Variants in CTNNA3 observed in about 807,000 individuals in gnomAD.
CTNNA3 encodes catenin alpha 3, also known as catenin alpha-3.
CTNNA3 carries 76 observed loss-of-function variants against 95.7 expected under a neutral mutation model. The observed-to-expected ratio is 0.79, with a 90% confidence interval of 0.66 to 0.96. The LOEUF (loss-of-function observed/expected upper bound fraction) is 0.96. Among genes scored for constraint, CTNNA3 ranks in the 40% least tolerant of loss-of-function variants. The pLI is 0.00. For synonymous variants in CTNNA3, 431 were observed against 374.4 expected, an observed-to-expected ratio of 1.15 and a Z score of -1.74; for missense variants, 1,191 against 1,089.8, an observed-to-expected ratio of 1.09 and a Z score of -1.31.
chr10:67,308,968 C>T (rs1224758633), intron 5 of CTNNA3, among the ~76,000 whole-genome samples: 2 of 152,066 alleles, frequency 1.3e-5, no homozygotes, highest in African/African-American at 2.4e-5. Flanking sequence ...ACTTTTTAAC[C>T]TCTTAACCTT....
intron 13 of CTNNA3, among the ~76,000 whole-genome samples, chr10:66,154,067 C>A (rs1263252290): frequency 6.6e-6 from 1 of 151,818 alleles, no homozygotes; most frequent in Non-Finnish European, 1.5e-5. Context: ...TACCTTTAAA[C>A]ACAGCTCAAA....
chr10:67,242,464 C>T (rs771595473), intron 5 of CTNNA3, among the ~76,000 whole-genome samples: 1 of 152,142 alleles, frequency 6.6e-6, no homozygotes, highest in East Asian at 1.9e-4. Flanking sequence ...AAAGCTAAGA[C>T]TACAAACTCA....
intron 17 of CTNNA3, among the ~76,000 whole-genome samples, chr10:65,923,683 G>A (rs1292235275): frequency 1.3e-5 from 2 of 152,136 alleles, no homozygotes; most frequent in Non-Finnish European, 2.9e-5. Flanking sequence ...TCATTCCAAT[G>A]GGCCACTGAT....
chr10:66,177,058 C>T (rs572847083), intron 13 of CTNNA3, among the ~76,000 whole-genome samples: 4 of 152,030 alleles, frequency 2.6e-5, no homozygotes, highest in Non-Finnish European at 5.9e-5. Context: ...GGCTTAAATC[C>T]GTGTAACACT....
intron 15 of CTNNA3, among the ~76,000 whole-genome samples, chr10:66,025,769 A>G (rs911821614): frequency 1.3e-5 from 2 of 152,238 alleles, no homozygotes; most frequent in Non-Finnish European, 2.9e-5. Flanking sequence ...CTAAAAACAG[A>G]CATTTTGCTC....
rs1589215461 is a variant in CTNNA3, at chr10:66,412,950, C to T, written c.1532-33598G>A. Among the ~76,000 whole-genome samples the T allele has an allele frequency of 2.0e-5, 3 of 151,874 alleles. No homozygotes were observed. In the South Asian group the frequency reaches 6.2e-4, roughly 32 times the overall value. On this transcript the variant is annotated intron_variant, in intron 11 of 17. Transcript: ENST00000433211. ...AACACTTTATATTAATTTTAAGTAT[C>T]CAAAAGAAAGATAACATACATCAAG...
intron 1 of CTNNA3, among the ~76,000 whole-genome samples, chr10:67,747,260 C>T (rs991334827): frequency 1.3e-5 from 2 of 152,206 alleles, no homozygotes; most frequent in Admixed American, 1.3e-4. Flanking sequence ...GTGCAGCACA[C>T]CCCCTCCACC....
intron 5 of CTNNA3, among the ~76,000 whole-genome samples, chr10:67,302,741 G>T (rs1215613087): frequency 6.6e-6 from 1 of 152,074 alleles, no homozygotes; most frequent in African/African-American, 2.4e-5. Flanking sequence ...TGTACACTTT[G>T]AATACATGAC....
intron 11 of CTNNA3, among the ~76,000 whole-genome samples, chr10:66,482,592 G>T (rs1026440809): frequency 6.6e-6 from 1 of 151,996 alleles, no homozygotes; most frequent in East Asian, 1.9e-4. Context: ...TTTGTACAAA[G>T]TATGCACTAA....
chr10:66,657,768 C>A (rs900153362), intron 9 of CTNNA3, among the ~76,000 whole-genome samples: 3 of 152,184 alleles, frequency 2.0e-5, no homozygotes, highest in African/African-American at 7.2e-5. Context: ...AAAATAAATT[C>A]TGCAATTTTC....
chr10:66,676,929 T>C (rs12266050), intron 9 of CTNNA3, among the ~76,000 whole-genome samples: 84,123 of 151,884 alleles, frequency 0.55, 24,050 homozygotes, highest in African/African-American at 0.68. Context: ...CAAAGTCTCA[T>C]GGCACAGTCT....
chr10:67,183,822 T>C (rs571634913), intron 6 of CTNNA3, among the ~76,000 whole-genome samples: 2 of 152,220 alleles, frequency 1.3e-5, no homozygotes, highest in East Asian at 3.9e-4. Context: ...TCAAGAAATT[T>C]ATGCAAGTGA....
intron 17 of CTNNA3, among the ~76,000 whole-genome samples, chr10:65,961,526 A>G (rs1412525050): frequency 6.6e-6 from 1 of 152,130 alleles, no homozygotes; most frequent in African/African-American, 2.4e-5. Context: ...ATGTGCAAAA[A>G]TATGACTATG....
At chr10:67,106,166 A>T (rs1038351818) in intron 7 of CTNNA3, among the ~76,000 whole-genome samples, 4 of 152,188 alleles carry the variant, frequency 2.6e-5, no homozygotes, top group African/African-American at 9.6e-5. Context: ...ACTTGACATG[A>T]CACATTGGTA....
chr10:67,521,430 T>G (rs918579261), intron 5 of CTNNA3, among the ~76,000 whole-genome samples: 1 of 152,218 alleles, frequency 6.6e-6, no homozygotes, highest in African/African-American at 2.4e-5. Context: ...TATTTATGAC[T>G]ATTTTCCTTA....
At chr10:67,518,547 G>C (rs1589382731) in intron 5 of CTNNA3, among the ~76,000 whole-genome samples, 1 of 151,964 alleles carries the variant, frequency 6.6e-6, no homozygotes, top group African/African-American at 2.4e-5. Flanking sequence ...ATGTGCTTTA[G>C]TCTATATAAT....
chr10:66,327,145 G>A (rs751188638), intron 12 of CTNNA3, among the ~76,000 whole-genome samples: 1 of 152,018 alleles, frequency 6.6e-6, no homozygotes, highest in Non-Finnish European at 1.5e-5. Flanking sequence ...CTAACTAACT[G>A]AATGTGACCC....
chr10:66,961,846 C>T (rs1564796683), intron 7 of CTNNA3, among the ~76,000 whole-genome samples: 1 of 152,090 alleles, frequency 6.6e-6, no homozygotes. Context: ...TAAACCTATT[C>T]CTCCTCTAAT....
chr10:65,927,617 T>A (rs924918372), intron 17 of CTNNA3, among the ~76,000 whole-genome samples: 2 of 152,238 alleles, frequency 1.3e-5, no homozygotes, highest in Admixed American at 1.3e-4. Context: ...CGTATGTTGC[T>A]GCATGTACCA....
Sources: gnomAD v4.1 joint callset for allele counts (sites outside exome capture counted in the v4.1 genomes callset) on GRCh38, gnomAD v4.1.1 for gene constraint, MANE v1.5 for transcripts, NCBI Gene and HGNC (gene_info 2026-07-23, HGNC 2026-07-21) for gene names.